Variants in LMO7 observed in about 807,000 individuals in gnomAD.
The protein encoded by LMO7 is LIM domain only protein 7.
LMO7 carries 120 observed loss-of-function variants against 206.5 expected under a neutral mutation model. The ratio of observed to expected loss-of-function variants is 0.58; its 90% CI spans 0.50 to 0.68. The LOEUF (loss-of-function observed/expected upper bound fraction) is 0.68. Ranked by LOEUF, LMO7 falls within the 30% of genes least tolerant of loss-of-function variation. The pLI is 0.00. For missense variants in LMO7, 1,959 were observed against 1,957.9 expected, an observed-to-expected ratio of 1.00 and a Z score of -0.01; for synonymous variants, 706 against 681.5, an observed-to-expected ratio of 1.04 and a Z score of -0.56.
At chr13:75,805,108 C>T in intron 8 of LMO7, 1 of 1,029,476 alleles carries the variant, frequency 9.7e-7, no homozygotes, top group Non-Finnish European at 1.2e-6. Flanking sequence ...CAAATATTTT[C>T]TCCTGCTGAT....
rs759515478 is a variant in LMO7 at position 75,841,186 on chromosome 13, C to T, written c.3660C>T (p.Ser1220=). The change falls in exon 23 of 31, where the codon TCC becomes TCT. Residue 1220 remains serine (S), a synonymous_variant. Transcript: ENST00000377534. Reference sequence around the variant, plus strand: ...AACAGGAGGCAGAGAGAGAGAATTCCAAGTACTTGGATGAGGTAGTGTTAG... The same window carrying T: ...AACAGGAGGCAGAGAGAGAGAATTCTAAGTACTTGGATGAGGTAGTGTTAG... The part of the protein sequence containing the change: ...RAKQEAEREN[S]KYLDEELMVL... 5 of 1,610,036 alleles carry T rather than the reference C, an allele frequency of 3.1e-6. No homozygotes were observed. The African/African-American group carries it at 4.0e-5, about 13-fold the overall frequency.
Position 75,804,511 on chromosome 13 carries a change from T to G in LMO7, c.884T>G (p.Val295Gly). ...AACAGAAGAAGTTGGGCAAGCCCGG[T>G]TTATACAGAAGCAGATGGAACATTT... ...EDNRRSWASP[V>G]YTEADGTFSS... is the part of the protein sequence containing the mutation. Residue 295 changes from valine to glycine, a missense_variant, in exon 8 of 31, where the codon GTT becomes GGT. Physicochemically the swap from Val to Gly is moderately radical, Grantham distance 109. Transcript: ENST00000377534. The G allele has an allele frequency of 6.2e-7, 1 of 1,614,088 alleles. No homozygotes were observed. Among genetic ancestry groups the G allele is most frequent in the Non-Finnish European group, 8.5e-7 (1 of 1,179,984 alleles).
intron 3 of LMO7, among the ~76,000 whole-genome samples, chr13:75,734,072 G>A (rs1447772846): frequency 6.6e-6 from 1 of 152,200 alleles, no homozygotes; most frequent in African/African-American, 2.4e-5. Context: ...TTATGTAATA[G>A]GTTTCCCACC....
chr13:75,758,832 C>G (rs1001742260), intron 3 of LMO7, among the ~76,000 whole-genome samples: 4 of 152,140 alleles, frequency 2.6e-5, no homozygotes, highest in African/African-American at 9.7e-5. Flanking sequence ...ATACTTTAAA[C>G]ATTCAGAACC....
chr13:75,648,061 TCTGAGCCTCCTGA>T (rs1429883810), intron 1 of LMO7, among the ~76,000 whole-genome samples: 1 of 147,860 alleles, frequency 6.8e-6, no homozygotes, highest in Admixed American at 7.0e-5. Flanking sequence ...GATCCTCCTG[TCTGAGCCTCCTGA>T]GTAGCTGGGG....
At chr13:75,806,162 A>G (rs928575290) in intron 9 of LMO7, 7 of 998,310 alleles carry the variant, frequency 7.0e-6, no homozygotes, top group African/African-American at 3.5e-5. Flanking sequence ...GGCAACTGCC[A>G]AAGACCTTCA....
intron 6 of LMO7, among the ~76,000 whole-genome samples, chr13:75,798,307 T>A (rs925783573): frequency 6.6e-6 from 1 of 151,738 alleles, no homozygotes; most frequent in African/African-American, 2.4e-5. Flanking sequence ...GAGGCAGAGG[T>A]TGTGGTGAGC....
intron 4 of LMO7, among the ~76,000 whole-genome samples, chr13:75,776,407 A>G (rs2050506730): frequency 6.6e-6 from 1 of 151,242 alleles, no homozygotes; most frequent in Non-Finnish European, 1.5e-5. Flanking sequence ...CAATAATTTG[A>G]CAATCTCGTG....
At chr13:75,773,363 A>G (rs2140098804) in intron 4 of LMO7, among the ~76,000 whole-genome samples, 1 of 152,280 alleles carries the variant, frequency 6.6e-6, no homozygotes, top group East Asian at 1.9e-4. Flanking sequence ...TAATGGGATT[A>G]TCACCAAAAA....
intron 1 of LMO7, among the ~76,000 whole-genome samples, chr13:75,674,731 A>C (rs1304175420): frequency 6.6e-6 from 1 of 152,252 alleles, no homozygotes; most frequent in Non-Finnish European, 1.5e-5. Flanking sequence ...ACAAAATTAC[A>C]GTGGAATACA....
chr13:75,801,151 C>T (rs563581534), intron 7 of LMO7, among the ~76,000 whole-genome samples: 2 of 151,082 alleles, frequency 1.3e-5, no homozygotes, highest in East Asian at 2.0e-4. Context: ...TATCCTGGCT[C>T]TTCTCTCTCC....
At chr13:75,672,400 C>T (rs1023934953) in intron 1 of LMO7, among the ~76,000 whole-genome samples, 2 of 151,988 alleles carry the variant, frequency 1.3e-5, no homozygotes, top group Non-Finnish European at 2.9e-5. Flanking sequence ...TGCCACCATG[C>T]CTGGCTAAAT....
intron 3 of LMO7, among the ~76,000 whole-genome samples, chr13:75,737,778 A>T (rs200952480): frequency 0.047 from 717 of 15,370 alleles, 31 homozygotes; most frequent in African/African-American, 0.17. Context: ...AAAATAAAAT[A>T]AAATAAAAAA....
chr13:75,686,053 T>G (rs907851725), intron 1 of LMO7, among the ~76,000 whole-genome samples: 2 of 151,806 alleles, frequency 1.3e-5, no homozygotes, highest in Non-Finnish European at 2.9e-5. Context: ...TTTTTGAAAA[T>G]TTTTCAGTAG....
chr13:75,833,301 A>C, intron 16 of LMO7, 136 bp downstream of exon 16: 1 of 620,102 alleles, frequency 1.6e-6, no homozygotes, highest in Non-Finnish European at 2.9e-6. Flanking sequence ...GCCAGAAAAT[A>C]CATCCTCTTT....
intron 26 of LMO7, among the ~76,000 whole-genome samples, chr13:75,846,207 C>T (rs928224526): frequency 6.6e-6 from 1 of 152,164 alleles, no homozygotes; most frequent in African/African-American, 2.4e-5. Context: ...TATCTACAGG[C>T]CAGATAGTCT....
intron 26 of LMO7, among the ~76,000 whole-genome samples, chr13:75,845,618 A>G (rs1461236235): frequency 6.6e-6 from 1 of 152,254 alleles, no homozygotes; most frequent in East Asian, 1.9e-4. Flanking sequence ...CTAATGAAAT[A>G]TGTGGGAATT....
intron 2 of LMO7, chr13:75,623,386 C>A: frequency 1.1e-6 from 1 of 871,998 alleles, no homozygotes; most frequent in Non-Finnish European, 1.9e-6. Flanking sequence ...CTTTTTGATA[C>A]GGAGTCTTGC....
chr13:75,798,939 C>T (rs149696852), intron 6 of LMO7, among the ~76,000 whole-genome samples: 69 of 152,320 alleles, frequency 4.5e-4, no homozygotes, highest in Non-Finnish European at 9.4e-4. Flanking sequence ...TTAACAAATA[C>T]GTGTTTGAGA....
Sources: allele counts gnomAD v4.1 joint callset (sites outside exome capture counted in the v4.1 genomes callset), GRCh38; gene constraint gnomAD v4.1.1; transcripts MANE v1.5; gene names NCBI Gene and HGNC (gene_info 2026-07-23, HGNC 2026-07-21).